Variants in TSPAN9 observed in about 807,000 individuals in gnomAD.
The protein encoded by TSPAN9 is tetraspanin-9.
TSPAN9 carries 16 observed loss-of-function variants against 31.0 expected under a neutral mutation model. The ratio of observed to expected loss-of-function variants is 0.52; its 90% CI spans 0.35 to 0.78. The LOEUF is 0.78. TSPAN9 is among the 30% of genes least tolerant of loss of function. TSPAN9 has a pLI of 0.01. For synonymous variants in TSPAN9, 145 were observed against 121.6 expected, an observed-to-expected ratio of 1.19 and a Z score of -1.27; for missense variants, 272 against 312.5, an observed-to-expected ratio of 0.87 and a Z score of 0.98.
At chr12:3,150,785 C>A (rs745798406) in intron 2 of TSPAN9, among the ~76,000 whole-genome samples, 2 of 152,116 alleles carry the variant, frequency 1.3e-5, no homozygotes, top group African/African-American at 2.4e-5. Context: ...TTCTTCACCC[C>A]ACGCCTGGCC....
chr12:3,272,816 G>A (rs1297329418), intron 3 of TSPAN9: 3 of 152,278 alleles, frequency 2.0e-5, no homozygotes, highest in African/African-American at 7.2e-5. Context: ...CAGAGAAATA[G>A]GATGCCTGCG....
At chr12:3,271,577 G>T (rs570851191) in intron 3 of TSPAN9, among the ~76,000 whole-genome samples, 4 of 151,694 alleles carry the variant, frequency 2.6e-5, no homozygotes, top group South Asian at 2.1e-4. Flanking sequence ...GGAGTGCATT[G>T]TGGGATGGTG....
intron 2 of TSPAN9, among the ~76,000 whole-genome samples, chr12:3,134,887 G>A (rs1038260623): frequency 1.3e-5 from 2 of 152,226 alleles, no homozygotes; most frequent in Admixed American, 6.5e-5. Context: ...GTTTGTACAG[G>A]CACATCATCC....
intron 3 of TSPAN9, among the ~76,000 whole-genome samples, chr12:3,263,956 T>C (rs1371941150): frequency 6.6e-6 from 1 of 152,122 alleles, no homozygotes; most frequent in Non-Finnish European, 1.5e-5. Flanking sequence ...AAGGTGCATT[T>C]TGTGAACCGG....
intron 3 of TSPAN9, among the ~76,000 whole-genome samples, chr12:3,251,755 C>T (rs1231085152): frequency 1.3e-5 from 2 of 152,194 alleles, no homozygotes; most frequent in Non-Finnish European, 2.9e-5. Flanking sequence ...CAGCTGTCAG[C>T]CCCTGGAGGA....
chr12:3,118,256 G>GTTTTTTTTTTTGT (rs2098323381), intron 2 of TSPAN9, among the ~76,000 whole-genome samples: 3 of 31,584 alleles, frequency 9.5e-5, no homozygotes, highest in Non-Finnish European at 1.3e-4. Flanking sequence ...TGCACCCGCC[G>GTTTTTTTTTTTGT]TTTTTTTTTT....
At chr12:3,138,650 T>C (rs1342783074) in intron 2 of TSPAN9, among the ~76,000 whole-genome samples, 2 of 151,306 alleles carry the variant, frequency 1.3e-5, no homozygotes, top group Non-Finnish European at 3.0e-5. Flanking sequence ...AAAAAAGGAC[T>C]TTTTTTTCCT....
At chr12:3,242,357 C>T (rs7979731) in intron 3 of TSPAN9, among the ~76,000 whole-genome samples, 11,468 of 152,306 alleles carry the variant, frequency 0.075, 526 homozygotes, top group Middle Eastern at 0.14. Flanking sequence ...GCCTTCTGCC[C>T]GATGCCTGGA....
intron 3 of TSPAN9, among the ~76,000 whole-genome samples, chr12:3,207,748 C>CCA (rs1202665215): frequency 6.6e-5 from 10 of 152,220 alleles, no homozygotes; most frequent in African/African-American, 2.2e-4. Context: ...TGCGTCAGGA[C>CCA]CACGCAGAGA....
At chr12:3,121,381 A>C (rs1414355595) in intron 2 of TSPAN9, among the ~76,000 whole-genome samples, 1 of 80,720 alleles carries the variant, frequency 1.2e-5, no homozygotes. Flanking sequence ...TTTTTTTGAG[A>C]CAGGTTCTTG....
intron 3 of TSPAN9, among the ~76,000 whole-genome samples, chr12:3,211,181 T>A (rs1390820059): frequency 6.6e-6 from 1 of 152,190 alleles, no homozygotes; most frequent in East Asian, 1.9e-4. Context: ...TATATTTAAG[T>A]CCTTAGTATA....
At chr12:3,101,169 T>C (rs1591628128) in intron 2 of TSPAN9, among the ~76,000 whole-genome samples, 1 of 152,320 alleles carries the variant, frequency 6.6e-6, no homozygotes, top group East Asian at 1.9e-4. Context: ...TTGTCTTTTA[T>C]GGAGTACTAT....
chr12:3,148,750 C>T (rs2098338517), intron 2 of TSPAN9, among the ~76,000 whole-genome samples: 1 of 152,242 alleles, frequency 6.6e-6, no homozygotes, highest in South Asian at 2.1e-4. Flanking sequence ...GTCTCTGCAT[C>T]CTCTCCAGCT....
chr12:3,257,313 C>T (rs1862365280), intron 3 of TSPAN9, among the ~76,000 whole-genome samples: 1 of 151,908 alleles, frequency 6.6e-6, no homozygotes, highest in Non-Finnish European at 1.5e-5. Flanking sequence ...GGGGTTTCAA[C>T]CTGGTTTTCT....
chr12:3,279,902 T>G (rs536367913), intron 5 of TSPAN9, among the ~76,000 whole-genome samples: 67 of 152,318 alleles, frequency 4.4e-4, no homozygotes, highest in African/African-American at 1.6e-3. Context: ...TAGATGCTGC[T>G]GTTCAACATC....
intron 2 of TSPAN9, among the ~76,000 whole-genome samples, chr12:3,100,251 T>G (rs2098311258): frequency 6.6e-6 from 1 of 152,204 alleles, no homozygotes; most frequent in Admixed American, 6.5e-5. Flanking sequence ...CTCAGTCTTG[T>G]GGATTTCACC....
chr12:3,252,381 G>A (rs932177387), intron 3 of TSPAN9, among the ~76,000 whole-genome samples: 2 of 152,248 alleles, frequency 1.3e-5, no homozygotes, highest in Admixed American at 6.5e-5. Context: ...GGAATGGCAC[G>A]CAGGAATGTT....
At chr12:3,212,612 A>AG (rs1408417682) in intron 3 of TSPAN9, among the ~76,000 whole-genome samples, 4 of 152,052 alleles carry the variant, frequency 2.6e-5, no homozygotes, top group African/African-American at 4.8e-5. Flanking sequence ...ACCCTCCCCC[A>AG]GGGTTCAGCT....
chr12:3,108,272 C>G (rs1419108317), intron 2 of TSPAN9, among the ~76,000 whole-genome samples: 4 of 152,172 alleles, frequency 2.6e-5, no homozygotes, highest in South Asian at 2.1e-4. Context: ...GTTGGTCTTG[C>G]AAATCTGAAA....
Sources: allele counts gnomAD v4.1 joint callset (sites outside exome capture counted in the v4.1 genomes callset), GRCh38; gene constraint gnomAD v4.1.1; transcripts MANE v1.5; gene names NCBI Gene and HGNC (gene_info 2026-07-23, HGNC 2026-07-21).